The following TDP1 variants were observed in gnomAD, a reference collection of about 807,000 sequenced individuals.
TDP1 encodes the protein tyrosyl-DNA phosphodiesterase 1, also known as tyr-DNA phosphodiesterase 1.
A neutral mutation model predicts 81.5 loss-of-function variants in TDP1; 64 were observed. That is an observed-to-expected ratio of 0.79 (90% confidence interval 0.64 to 0.97). The LOEUF (loss-of-function observed/expected upper bound fraction) is 0.97. Among genes scored for constraint, TDP1 ranks in the 50% least tolerant of loss-of-function variants. The probability of loss-of-function intolerance (pLI) is 0.00; values close to 1 mark genes in which losing one functional copy is unlikely to be tolerated. For synonymous variants in TDP1, 256 were observed against 264.3 expected, an observed-to-expected ratio of 0.97 and a Z score of 0.30; for missense variants, 723 against 743.8, an observed-to-expected ratio of 0.97 and a Z score of 0.33.
chr14:89,975,546 T>C (rs1391482358), intron 6 of TDP1: 7 of 910,034 alleles, frequency 7.7e-6, no homozygotes, highest in Non-Finnish European at 9.2e-6. Context: ...GTATATATTC[T>C]GTAGTGTATA....
rs1896384804 is a variant in TDP1, at chr14:89,993,364, T to C, written c.1434-12T>C. The C allele has an allele frequency of 2.5e-6, 4 of 1,608,078 alleles. No homozygotes were observed. The East Asian group carries it at 8.9e-5, about 36-fold the overall frequency. On this transcript the variant is annotated splice_polypyrimidine_tract_variant and intron_variant, in intron 13 of 16. Transcript: ENST00000335725. ...TTTCATAATTAGTAACTTTTGTCTT[T>C]TCTGTCACTAGCAAATGGTCAGCTG...
chr14:90,017,730 T>C (rs1885482931), intron 14 of TDP1, among the ~76,000 whole-genome samples: 1 of 152,170 alleles, frequency 6.6e-6, no homozygotes, highest in Non-Finnish European at 1.5e-5. Flanking sequence ...ACTTTCCTCT[T>C]CGCCCAGGAG....
At chr14:90,016,193 T>C (rs59530820) in intron 14 of TDP1, among the ~76,000 whole-genome samples, 14,799 of 151,980 alleles carry the variant, frequency 0.097, 1,634 homozygotes, top group African/African-American at 0.27. Context: ...TACAGGTATG[T>C]GCCACCACGC....
intron 15 of TDP1, 42 bp downstream of exon 15, chr14:90,019,460 A>T (rs753821143): frequency 4.0e-5 from 43 of 1,075,316 alleles, no homozygotes; most frequent in Non-Finnish European, 5.1e-5. Flanking sequence ...CACATGGGAG[A>T]TGAATTGGGC....
rs554130015 is a variant in TDP1, at chr14:90,043,810, G to T, written c.*667G>T. 1 of 152,618 alleles carries T rather than the reference G, an allele frequency of 6.6e-6. No homozygotes were observed. Among genetic ancestry groups the T allele is most frequent in the African/African-American group, 2.4e-5 (1 of 41,556 alleles). The allele number at this position is 152,618 out of a possible 1,614,324, so 9.5% of individuals were successfully genotyped here. On this transcript the variant is annotated 3_prime_UTR_variant, in exon 17 of 17. Transcript: ENST00000335725. ...ATAGAATCTCTTGGTGCTGTCAGCT[G>T]TTGGGAATTGAAGATTGACTTTGTG...
In TDP1 at chr14:89,975,386, CT is replaced by C; in HGVS notation, c.757-391del. On this transcript the variant is annotated intron_variant, in intron 6 of 16. Transcript: ENST00000335725. Reference sequence around the variant, plus strand: ...CCACCGCACCTGGCCTTCAGTGTTTCTTTTAAATATGCTCTGAAAACTGTGT... The same window carrying C: ...CCACCGCACCTGGCCTTCAGTGTTTCTTTAAATATGCTCTGAAAACTGTGT... The C allele has an allele frequency of 3.0e-6, 3 of 985,268 alleles. No individual in the cohort carries two copies. In the East Asian group the frequency reaches 3.4e-4, roughly 112 times the overall value. 61.0% of individuals were successfully genotyped at this position (985,268 alleles called of 1,614,324 possible).
intron 15 of TDP1, among the ~76,000 whole-genome samples, chr14:90,024,200 C>G (rs1886394725): frequency 6.6e-6 from 1 of 152,222 alleles, no homozygotes; most frequent in African/African-American, 2.4e-5. Flanking sequence ...GACTCCTAAC[C>G]TCTCGTTCCT....
At chr14:90,030,164 A>G (rs1353191959) in intron 15 of TDP1, among the ~76,000 whole-genome samples, 1 of 152,156 alleles carries the variant, frequency 6.6e-6, no homozygotes, top group African/African-American at 2.4e-5. Flanking sequence ...GAGCAGGGAA[A>G]CCTGGGGGCA....
At chr14:89,985,020 G>C in intron 9 of TDP1, 112 bp from the exon 10 acceptor site, 1 of 1,327,572 alleles carries the variant, frequency 7.5e-7, no homozygotes, top group Non-Finnish European at 1.0e-6. Flanking sequence ...AAAATGGATT[G>C]GCTCTTAGAT....
chr14:89,964,824 A>G, intron 3 of TDP1: 1 of 433,068 alleles, frequency 2.3e-6, no homozygotes, highest in South Asian at 1.7e-5. Context: ...AGGAGCTCTT[A>G]CATATATTTT....
At chr14:90,005,439 C>CAT (rs1203216173) in intron 14 of TDP1, among the ~76,000 whole-genome samples, 1 of 152,146 alleles carries the variant, frequency 6.6e-6, no homozygotes, top group Non-Finnish European at 1.5e-5. Context: ...TATAATAGAT[C>CAT]ATCTCCCAAG....
At chr14:90,001,285 T>G (rs1897167168) in intron 14 of TDP1, among the ~76,000 whole-genome samples, 1 of 152,222 alleles carries the variant, frequency 6.6e-6, no homozygotes. Context: ...AGTTTTCATT[T>G]CCTCTCTTTC....
chr14:90,005,082 C>T (rs1897543277), intron 14 of TDP1, among the ~76,000 whole-genome samples: 1 of 152,198 alleles, frequency 6.6e-6, no homozygotes. Context: ...TTTTCAAGGT[C>T]TCCCAGGACC....
At chr14:90,022,749 A>G in intron 15 of TDP1, 1 of 985,382 alleles carries the variant, frequency 1.0e-6, no homozygotes, top group Non-Finnish European at 1.2e-6. Flanking sequence ...CTGGAAAAAA[A>G]GTAGACCTTT....
At chr14:89,969,962 C>T (rs1267079675) in intron 5 of TDP1, among the ~76,000 whole-genome samples, 2 of 148,210 alleles carry the variant, frequency 1.3e-5, no homozygotes, top group African/African-American at 2.5e-5. Flanking sequence ...CTGCAAGCTC[C>T]GCCTCCCGGG....
chr14:89,972,239 C>G (rs932434640), intron 6 of TDP1, among the ~76,000 whole-genome samples: 2 of 152,106 alleles, frequency 1.3e-5, no homozygotes, highest in Non-Finnish European at 2.9e-5. Flanking sequence ...TCAATTGTGA[C>G]AGAAGGTGAA....
chr14:90,019,120 A>T, intron 14 of TDP1, 196 bp from the exon 15 acceptor site: 1 of 977,450 alleles, frequency 1.0e-6, no homozygotes, highest in Non-Finnish European at 1.2e-6. Context: ...CCAAATTAGC[A>T]ATTAGATAAA....
At chr14:89,956,306 A>G (rs553900485) in intron 1 of TDP1, 1 of 152,242 alleles carries the variant, frequency 6.6e-6, no homozygotes, top group Non-Finnish European at 1.5e-5. Flanking sequence ...GTGAGTAGGA[A>G]AGCGCCCACC....
In TDP1 at chr14:89,963,079, A is replaced by G. The variant is rs751289662; in HGVS notation, c.-7-29A>G. On this transcript the variant is annotated intron_variant, in intron 2 of 16. Coordinates refer to ENST00000335725, the MANE Select transcript of TDP1 (RefSeq NM_018319.4). ...TTGCCAATGCCCTGATGAATGGGAA[A>G]TGCTGATGTTTCCACTTTTCATTTC... 3 of 1,613,966 alleles carry G rather than the reference A, an allele frequency of 1.9e-6. No homozygotes were observed. In the Admixed American group the frequency reaches 5.0e-5, roughly 27 times the overall value.
Sources: gnomAD v4.1 joint callset for allele counts (sites outside exome capture counted in the v4.1 genomes callset) on GRCh38, gnomAD v4.1.1 for gene constraint, MANE v1.5 for transcripts, NCBI Gene and HGNC (gene_info 2026-07-23, HGNC 2026-07-21) for gene names.